CILK1: variants seen among roughly 807,000 people sequenced by gnomAD.
The protein encoded by CILK1 is ciliogenesis associated kinase 1.
CILK1 carries 47 observed loss-of-function variants against 79.2 expected under a neutral mutation model. That is an observed-to-expected ratio of 0.59 (90% confidence interval 0.47 to 0.76). The LOEUF is 0.76. Ranked by LOEUF, CILK1 falls within the 30% of genes least tolerant of loss-of-function variation. CILK1 has a pLI of 0.00. For synonymous variants in CILK1, 266 were observed against 275.9 expected, an observed-to-expected ratio of 0.96 and a Z score of 0.36; for missense variants, 660 against 769.5, an observed-to-expected ratio of 0.86 and a Z score of 1.68.
At chr6:53,059,838 C>T (rs1198212694) in intron 1 of CILK1, among the ~76,000 whole-genome samples, 1 of 152,194 alleles carries the variant, frequency 6.6e-6, no homozygotes, top group Non-Finnish European at 1.5e-5. Context: ...GGCAATAGAA[C>T]ACTGAAAAGA....
At chr6:53,039,541 A>T (rs958789449) in intron 2 of CILK1, among the ~76,000 whole-genome samples, 4 of 152,188 alleles carry the variant, frequency 2.6e-5, no homozygotes, top group Non-Finnish European at 5.9e-5. Flanking sequence ...GAGTAAGCCA[A>T]TAACAGGGTT....
intron 1 of CILK1, among the ~76,000 whole-genome samples, chr6:53,048,514 A>T (rs1012748041): frequency 6.6e-6 from 1 of 152,354 alleles, no homozygotes; most frequent in East Asian, 1.9e-4. Context: ...TCCTAGCAGG[A>T]TGTGGTTAAA....
At chr6:53,012,013 T>C (rs1764601876) in intron 10 of CILK1, 24 bp downstream of exon 10, 1 of 1,613,918 alleles carries the variant, frequency 6.2e-7, no homozygotes, top group Non-Finnish European at 8.5e-7. Context: ...TCAGTCTGTT[T>C]ACAAATGTGA....
chr6:53,017,383 G>A (rs1764953793), intron 7 of CILK1, among the ~76,000 whole-genome samples: 1 of 152,206 alleles, frequency 6.6e-6, no homozygotes, highest in Non-Finnish European at 1.5e-5. Flanking sequence ...TAGAGAAACA[G>A]TGAGGAGGGG....
chr6:53,038,745 C>T (rs1766516132), intron 2 of CILK1, among the ~76,000 whole-genome samples: 1 of 152,214 alleles, frequency 6.6e-6, no homozygotes, highest in African/African-American at 2.4e-5. Context: ...TGCTTTCAAA[C>T]TACAACAGCA....
intron 5 of CILK1, among the ~76,000 whole-genome samples, chr6:53,027,389 T>C (rs1055666822): frequency 1.3e-5 from 2 of 152,242 alleles, no homozygotes; most frequent in Non-Finnish European, 1.5e-5. Context: ...TGCTTTGGCA[T>C]TGCTCAATCA....
At chr6:53,041,070 G>T in intron 2 of CILK1, 66 bp downstream of exon 2, 1 of 1,093,392 alleles carries the variant, frequency 9.1e-7, no homozygotes, top group Non-Finnish European at 1.4e-6. Context: ...CTTTAGAACT[G>T]TTACAAAGAC....
At position 53,012,109 on chromosome 6, in the gene CILK1, A is replaced by C; in HGVS notation, c.1271T>G (p.Leu424Trp). 1.9e-6 allele frequency: 3 copies of C among 1,614,176 alleles called. No individual in the cohort carries two copies. The highest frequency in any genetic ancestry group is 2.5e-6 in the Non-Finnish European group (3 of 1,180,024). ...DSDDWADLDD[L>W]DFSPSLSRID... is the part of the protein sequence containing the mutation. Reference sequence around the variant, plus strand: ...CCTGCTGAGGGATGGACTGAAATCCAAGTCATCCAAGTCAGCCCAATCATC... The same window carrying C: ...CCTGCTGAGGGATGGACTGAAATCCCAGTCATCCAAGTCAGCCCAATCATC... The change falls in exon 10 of 14, where the codon TTG becomes TGG. Residue 424 changes from leucine (L) to tryptophan (W), a missense_variant. Leu to Trp is a moderately conservative substitution (Grantham distance 61, BLOSUM62 -2). Transcript: ENST00000676107.
At chr6:53,021,333 G>T (rs1305352769) in intron 5 of CILK1, among the ~76,000 whole-genome samples, 1 of 150,682 alleles carries the variant, frequency 6.6e-6, no homozygotes, top group East Asian at 2.0e-4. Flanking sequence ...TTGGAGCGGC[G>T]CGGGGGGGTT....
intron 3 of CILK1, among the ~76,000 whole-genome samples, chr6:53,036,339 A>T (rs913059938): frequency 2.0e-5 from 3 of 152,118 alleles, no homozygotes; most frequent in Non-Finnish European, 4.4e-5. Context: ...TTTCTAGAAC[A>T]GAGGTTGGCA....
At position 53,009,555 on chromosome 6, in the gene CILK1, C is replaced by T; in HGVS notation, c.1505G>A (p.Arg502Lys). 6.2e-7 allele frequency: 1 copy of T among 1,608,126 alleles called. No individual in the cohort carries two copies. The highest frequency in any genetic ancestry group is 1.3e-5 in the African/African-American group (1 of 74,908). Residue 502 changes from arginine to lysine, a missense_variant, in exon 12 of 14, where the codon AGA becomes AAA. Arg to Lys is a conservative substitution (Grantham distance 26). Coordinates refer to ENST00000676107, the MANE Select transcript of CILK1 (RefSeq NM_014920.5). ...HSRYLPGISI[R>K]NGILSNPGKE... ...GCCTGGATTCGAGAGTATGCCATTTCTTATACTGATCCCTGATAGAGAAGA... is the reference window on the plus strand; with the variant it reads ...GCCTGGATTCGAGAGTATGCCATTTTTTATACTGATCCCTGATAGAGAAGA...
chr6:53,042,426 CAAAAGCTAAG>C (rs1321840236), intron 1 of CILK1, among the ~76,000 whole-genome samples: 2 of 152,126 alleles, frequency 1.3e-5, no homozygotes, highest in Non-Finnish European at 2.9e-5. Context: ...TGTAAACATA[CAAAAGCTAAG>C]AAATGCTAAA....
intron 5 of CILK1, among the ~76,000 whole-genome samples, chr6:53,028,514 T>G (rs1027635636): frequency 4.6e-5 from 7 of 152,178 alleles, no homozygotes; most frequent in Non-Finnish European, 8.8e-5. Context: ...CTCTTTTTTG[T>G]AAAGACTAGA....
intron 5 of CILK1, 85 bp from the exon 6 acceptor site, chr6:53,019,444 G>A: frequency 1.4e-6 from 2 of 1,467,896 alleles, no homozygotes; most frequent in South Asian, 2.4e-5. Context: ...CTGCAAAATA[G>A]TTATAATTTA....
At chr6:53,011,247 C>G (rs1764551943) in intron 11 of CILK1, among the ~76,000 whole-genome samples, 1 of 152,136 alleles carries the variant, frequency 6.6e-6, no homozygotes, top group African/African-American at 2.4e-5. Flanking sequence ...TCCCTGGAGG[C>G]TGGACCCAGT....
intron 11 of CILK1, among the ~76,000 whole-genome samples, chr6:53,011,311 C>A (rs186909379): frequency 2.6e-5 from 4 of 152,214 alleles, no homozygotes; most frequent in Admixed American, 1.3e-4. Context: ...AAATGTGAGG[C>A]CTGGGCCCAG....
chr6:53,035,197 G>A (rs1381343977), intron 3 of CILK1, among the ~76,000 whole-genome samples: 1 of 152,092 alleles, frequency 6.6e-6, no homozygotes, highest in African/African-American at 2.4e-5. Flanking sequence ...GAAGAAAGAA[G>A]TTTGGAAGGT....
chr6:53,031,500 A>C (rs17615921), intron 4 of CILK1, among the ~76,000 whole-genome samples: 3,188 of 152,290 alleles, frequency 0.021, 49 homozygotes, highest in Middle Eastern at 0.054. Context: ...ATTGTCAATA[A>C]AGATGATATT....
intron 5 of CILK1, among the ~76,000 whole-genome samples, chr6:53,023,490 T>G (rs149561871): frequency 0.015 from 2,347 of 152,174 alleles, 41 homozygotes; most frequent in East Asian, 0.063. Flanking sequence ...GAGACAGCAC[T>G]GAGAACTGAG....
Sources: allele counts gnomAD v4.1 joint callset (sites outside exome capture counted in the v4.1 genomes callset), GRCh38; gene constraint gnomAD v4.1.1; transcripts MANE v1.5; gene names NCBI Gene and HGNC (gene_info 2026-07-23, HGNC 2026-07-21).